The following PLXNA4 variants were observed in gnomAD, a reference collection of about 807,000 sequenced individuals.
PLXNA4 encodes plexin-A4.
PLXNA4 carries 44 observed loss-of-function variants against 191.8 expected under a neutral mutation model. The ratio of observed to expected loss-of-function variants is 0.23; its 90% confidence interval spans 0.18 to 0.29. The LOEUF (loss-of-function observed/expected upper bound fraction) is 0.29, where lower values mean the gene tolerates loss of function less well. Among genes scored for constraint, PLXNA4 ranks in the 10% least tolerant of loss-of-function variants. The probability of loss-of-function intolerance (pLI) is 1.00; values close to 1 mark genes in which losing one functional copy is unlikely to be tolerated. For synonymous variants in PLXNA4, 1,082 were observed against 1,009.5 expected, an observed-to-expected ratio of 1.07 and a Z score of -1.36; for missense variants, 1,800 against 2,488.8, an observed-to-expected ratio of 0.72 and a Z score of 5.89.
At chr7:132,209,363 G>A (rs7781259) in intron 10 of PLXNA4, among the ~76,000 whole-genome samples, 6,115 of 152,328 alleles carry the variant, frequency 0.04, 334 homozygotes, top group East Asian at 0.15. Context: ...GTGAGACCCA[G>A]ATGCAGGTCT....
At chr7:132,210,588 C>T (rs1476808456) in intron 10 of PLXNA4, among the ~76,000 whole-genome samples, 1 of 152,196 alleles carries the variant, frequency 6.6e-6, no homozygotes, top group Non-Finnish European at 1.5e-5. Flanking sequence ...TTCAGAGCTT[C>T]TCAGGAAAGA....
intron 3 of PLXNA4, among the ~76,000 whole-genome samples, chr7:132,369,834 T>A (rs557926319): frequency 6.6e-6 from 1 of 151,718 alleles, no homozygotes; most frequent in Non-Finnish European, 1.5e-5. Flanking sequence ...TTTGGGAGGC[T>A]GAGGCGGGCG....
intron 3 of PLXNA4, among the ~76,000 whole-genome samples, chr7:132,446,912 G>T (rs770178857): frequency 6.6e-6 from 1 of 152,114 alleles, no homozygotes; most frequent in Non-Finnish European, 1.5e-5. Flanking sequence ...TCCTCGACAG[G>T]CCTGTGCCTG....
chr7:132,553,734 T>C (rs1395305804), intron 1 of PLXNA4, among the ~76,000 whole-genome samples: 1 of 152,152 alleles, frequency 6.6e-6, no homozygotes, highest in Admixed American at 6.5e-5. Flanking sequence ...GGCCCAAGGA[T>C]AAACAGAAGA....
At chr7:132,457,300 G>A (rs1262977777) in intron 3 of PLXNA4, among the ~76,000 whole-genome samples, 1 of 152,186 alleles carries the variant, frequency 6.6e-6, no homozygotes, top group African/African-American at 2.4e-5. Flanking sequence ...ACACTGCACT[G>A]ATATTTTTCT....
chr7:132,357,523 T>C (rs1803760815), intron 3 of PLXNA4, among the ~76,000 whole-genome samples: 1 of 152,172 alleles, frequency 6.6e-6, no homozygotes, highest in Non-Finnish European at 1.5e-5. Context: ...CGTGTTCAGT[T>C]TGGAATCTTA....
At chr7:132,141,166 G>A (rs954251928) in intron 29 of PLXNA4, among the ~76,000 whole-genome samples, 58 of 152,124 alleles carry the variant, frequency 3.8e-4, no homozygotes, top group Non-Finnish European at 2.5e-4. Flanking sequence ...CTAACTCTCT[G>A]TCTGTCTGCT....
chr7:132,498,442 G>A (rs973898454), intron 2 of PLXNA4, among the ~76,000 whole-genome samples: 1 of 152,052 alleles, frequency 6.6e-6, no homozygotes, highest in Admixed American at 6.6e-5. Context: ...TGTGTGCAGG[G>A]AAACACCCCC....
chr7:132,521,202 A>AT (rs200612785), intron 1 of PLXNA4, among the ~76,000 whole-genome samples: 2 of 150,044 alleles, frequency 1.3e-5, no homozygotes, highest in African/African-American at 4.9e-5. Flanking sequence ...AAAAAAAAAA[A>AT]TTCAGAATGA....
intron 1 of PLXNA4, among the ~76,000 whole-genome samples, chr7:132,518,560 C>T (rs1001854985): frequency 6.6e-6 from 1 of 152,278 alleles, no homozygotes; most frequent in East Asian, 1.9e-4. Flanking sequence ...GAAGAGGGAG[C>T]GATGGAGGGC....
chr7:132,282,952 C>T (rs1302441180), intron 4 of PLXNA4, among the ~76,000 whole-genome samples: 1 of 152,134 alleles, frequency 6.6e-6, no homozygotes, highest in Non-Finnish European at 1.5e-5. Context: ...TCACAGCTCA[C>T]TGCAGCCTCG....
At chr7:132,587,026 A>C (rs1048364914) in intron 2 of PLXNA4, among the ~76,000 whole-genome samples, 11 of 152,230 alleles carry the variant, frequency 7.2e-5, no homozygotes, top group Non-Finnish European at 1.2e-4. Context: ...AGCTGTATTA[A>C]AAGAGAATGG....
chr7:132,260,972 A>C (rs1799620287), intron 4 of PLXNA4, among the ~76,000 whole-genome samples: 1 of 151,460 alleles, frequency 6.6e-6, no homozygotes, highest in Non-Finnish European at 1.5e-5. Flanking sequence ...CAGTGGGAGG[A>C]GGCAGGGGGT....
At chr7:132,324,688 C>T (rs1484919108) in intron 3 of PLXNA4, among the ~76,000 whole-genome samples, 1 of 152,102 alleles carries the variant, frequency 6.6e-6, no homozygotes, top group African/African-American at 2.4e-5. Context: ...CATTGGAGAG[C>T]CCCTTCAGGT....
intron 2 of PLXNA4, among the ~76,000 whole-genome samples, chr7:132,588,158 C>G (rs1382895999): frequency 6.6e-6 from 1 of 152,118 alleles, no homozygotes; most frequent in East Asian, 1.9e-4. Context: ...AACTCAGTGT[C>G]AGGTAGTGTC....
chr7:132,572,928 C>T lies in PLXNA4; in HGVS notation c.-87+3494G>A, dbSNP rs567441596. On this transcript the variant is annotated intron_variant, in intron 1 of 31. Transcript: ENST00000321063. ...AAACAGCCATTTATTAGTGAGACGT[C>T]TTTTTAAAATGCCGCTTTTAAATAT... Among the ~76,000 whole-genome samples, 5 of 152,314 alleles carry T rather than the reference C, an allele frequency of 3.3e-5. No individual in the cohort carries two copies. The South Asian group carries it at 1.0e-3, about 32-fold the overall frequency.
At chr7:132,495,502 T>G (rs1363247171) in intron 2 of PLXNA4, among the ~76,000 whole-genome samples, 1 of 152,194 alleles carries the variant, frequency 6.6e-6, no homozygotes, top group Non-Finnish European at 1.5e-5. Context: ...CAGCCACCTA[T>G]GTACCTGCCC....
intron 2 of PLXNA4, among the ~76,000 whole-genome samples, chr7:132,583,598 G>C (rs1159292159): frequency 6.6e-6 from 1 of 152,222 alleles, no homozygotes; most frequent in African/African-American, 2.4e-5. Flanking sequence ...CCTATGCAAA[G>C]CAGAGAAAGA....
intron 2 of PLXNA4, among the ~76,000 whole-genome samples, chr7:132,505,819 C>T (rs946175590): frequency 6.6e-6 from 1 of 152,162 alleles, no homozygotes; most frequent in Non-Finnish European, 1.5e-5. Flanking sequence ...TCATTAGCTG[C>T]CTTCGTTTGG....
Sources: gnomAD v4.1 joint callset for allele counts (sites outside exome capture counted in the v4.1 genomes callset) on GRCh38, gnomAD v4.1.1 for gene constraint, MANE v1.5 for transcripts, NCBI Gene and HGNC (gene_info 2026-07-23, HGNC 2026-07-21) for gene names.